Variants in SGCZ observed in about 807,000 individuals in gnomAD.
The protein encoded by SGCZ is sarcoglycan zeta.
In SGCZ, 40 loss-of-function variants were observed where a neutral mutation model predicts 41.3. That is an observed-to-expected ratio of 0.97 (90% CI 0.75 to 1.26). The LOEUF is 1.26. Among genes scored for constraint, SGCZ ranks in the 50% most tolerant of loss-of-function variants. The pLI is 0.00. For synonymous variants in SGCZ, 206 were observed against 137.5 expected (o/e 1.50, Z -3.49); for missense variants, 552 against 369.8 (o/e 1.49, Z -4.04).
At chr8:14,762,800 C>T (rs1009341911) in intron 1 of SGCZ, among the ~76,000 whole-genome samples, 1 of 152,146 alleles carries the variant, frequency 6.6e-6, no homozygotes, top group Non-Finnish European at 1.5e-5. Context: ...ATTGGGCAAG[C>T]AAACATTAGT....
chr8:14,299,428 A>G (rs1420179562), intron 3 of SGCZ, among the ~76,000 whole-genome samples: 2 of 152,058 alleles, frequency 1.3e-5, no homozygotes, highest in Non-Finnish European at 2.9e-5. Context: ...AAGGATTTGT[A>G]TCAAGAATAT....
chr8:15,102,201 A>G (rs1045568078), intron 1 of SGCZ, among the ~76,000 whole-genome samples: 15 of 152,180 alleles, frequency 9.9e-5, no homozygotes, highest in Admixed American at 3.3e-4. Context: ...GTATATCCAT[A>G]CAATTAAATA....
chr8:14,942,285 T>C (rs1021005655), intron 1 of SGCZ, among the ~76,000 whole-genome samples: 6 of 152,138 alleles, frequency 3.9e-5, no homozygotes, highest in Non-Finnish European at 7.4e-5. Context: ...AATATAATTT[T>C]AATCAGAATA....
chr8:14,534,629 A>T (rs1218904573), intron 2 of SGCZ, among the ~76,000 whole-genome samples: 13 of 151,886 alleles, frequency 8.6e-5, no homozygotes. Context: ...ACCGCACAGG[A>T]GGGAGGAGGA....
chr8:14,521,395 C>T (rs996476533), intron 2 of SGCZ, among the ~76,000 whole-genome samples: 2 of 151,984 alleles, frequency 1.3e-5, no homozygotes, highest in Admixed American at 6.6e-5. Context: ...GTAATCTGTA[C>T]AACAAACTCC....
chr8:14,527,516 G>A, intron 2 of SGCZ, among the ~76,000 whole-genome samples: 1 of 151,626 alleles, frequency 6.6e-6, no homozygotes, highest in East Asian at 1.9e-4. Context: ...TTTTGCCCAG[G>A]GTGAGTAAGC....
At chr8:14,386,882 A>G (rs897608897) in intron 2 of SGCZ, among the ~76,000 whole-genome samples, 3 of 152,180 alleles carry the variant, frequency 2.0e-5, no homozygotes, top group African/African-American at 7.2e-5. Flanking sequence ...AATTCTAGTT[A>G]GCATATTTTG....
chr8:14,702,518 T>C (rs1216810043), intron 1 of SGCZ, among the ~76,000 whole-genome samples: 3 of 151,918 alleles, frequency 2.0e-5, no homozygotes, highest in Non-Finnish European at 2.9e-5. Context: ...TTATACATGA[T>C]ACTTCCACAT....
intron 1 of SGCZ, among the ~76,000 whole-genome samples, chr8:14,576,399 C>A (rs1439196696): frequency 6.6e-6 from 1 of 152,042 alleles, no homozygotes; most frequent in African/African-American, 2.4e-5. Context: ...TGGGGGGACC[C>A]AGGTTCTGAA....
chr8:14,943,450 T>C (rs745481657), intron 1 of SGCZ, among the ~76,000 whole-genome samples: 1 of 152,204 alleles, frequency 6.6e-6, no homozygotes, highest in Non-Finnish European at 1.5e-5. Context: ...TCTATACTGA[T>C]GCCTGTGAGG....
At chr8:14,534,892 A>T (rs554950525) in intron 2 of SGCZ, among the ~76,000 whole-genome samples, 1 of 152,130 alleles carries the variant, frequency 6.6e-6, no homozygotes, top group South Asian at 2.1e-4. Flanking sequence ...TAAGGGAAAG[A>T]ATGTAGTTTC....
At chr8:14,507,752 G>T (rs201129393) in intron 2 of SGCZ, among the ~76,000 whole-genome samples, 12 of 134,390 alleles carry the variant, frequency 8.9e-5, no homozygotes, top group African/African-American at 3.3e-4. Flanking sequence ...GTTTTTGTTT[G>T]TTTGTTTGTT....
chr8:15,187,804 C>T (rs1360541557), intron 1 of SGCZ, among the ~76,000 whole-genome samples: 1 of 151,336 alleles, frequency 6.6e-6, no homozygotes, highest in Non-Finnish European at 1.5e-5. Context: ...ATTTTTTTTC[C>T]AATTCAAGTG....
At chr8:14,577,742 C>G (rs1309662206) in intron 1 of SGCZ, among the ~76,000 whole-genome samples, 1 of 152,128 alleles carries the variant, frequency 6.6e-6, no homozygotes, top group Non-Finnish European at 1.5e-5. Context: ...CCAATCTGCT[C>G]ATAATAAAGT....
intron 1 of SGCZ, among the ~76,000 whole-genome samples, chr8:14,848,348 A>G (rs1366203297): frequency 2.6e-5 from 4 of 152,208 alleles, no homozygotes; most frequent in Non-Finnish European, 4.4e-5. Flanking sequence ...GGAAATTGAC[A>G]AAATCACTTC....
rs184327928 is a variant in SGCZ, at chr8:14,689,902, A to G, written c.40-134976T>C. Reference sequence around the variant, plus strand: ...GGGCGGAGACTGGTTGTTTATGACAATGTCACTTACTGCCTACGCAGGACA... The same window carrying G: ...GGGCGGAGACTGGTTGTTTATGACAGTGTCACTTACTGCCTACGCAGGACA... On this transcript the variant is annotated intron_variant, in intron 1 of 7. Coordinates refer to ENST00000382080, the MANE Select transcript of SGCZ (RefSeq NM_139167.4). Among the ~76,000 whole-genome samples, 16 of 152,326 alleles carry G rather than the reference A, an allele frequency of 1.1e-4. No individual in the cohort carries two copies. In the East Asian group the frequency reaches 2.3e-3, roughly 22 times the overall value.
At chr8:14,986,248 A>C (rs897312616) in intron 1 of SGCZ, among the ~76,000 whole-genome samples, 1 of 152,140 alleles carries the variant, frequency 6.6e-6, no homozygotes, top group African/African-American at 2.4e-5. Context: ...GAACATTCTT[A>C]AGTTTGATAT....
intron 1 of SGCZ, among the ~76,000 whole-genome samples, chr8:15,202,387 G>T (rs1159103721): frequency 6.6e-6 from 1 of 152,070 alleles, no homozygotes; most frequent in East Asian, 1.9e-4. Flanking sequence ...TTTTAAATAA[G>T]GTAACTCAGG....
chr8:14,737,309 T>C (rs1224848017), intron 1 of SGCZ, among the ~76,000 whole-genome samples: 1 of 151,916 alleles, frequency 6.6e-6, no homozygotes, highest in Non-Finnish European at 1.5e-5. Context: ...CTTAGAAGTT[T>C]AGAAGTTCTA....
Sources: gnomAD v4.1 joint callset for allele counts (sites outside exome capture counted in the v4.1 genomes callset) on GRCh38, gnomAD v4.1.1 for gene constraint, MANE v1.5 for transcripts, NCBI Gene and HGNC (gene_info 2026-07-23, HGNC 2026-07-21) for gene names.